The following ZNF486 variants were observed in gnomAD, a reference collection of about 807,000 sequenced individuals.
The protein encoded by ZNF486 is zinc finger protein 486, also known as KRAB box only protein 2.
Under a neutral mutation model 12.8 loss-of-function variants are expected in ZNF486, and 12 were observed. That is an observed-to-expected ratio of 0.94 (90% confidence interval 0.60 to 1.52). The LOEUF (loss-of-function observed/expected upper bound fraction) is 1.52. Ranked by LOEUF, ZNF486 falls within the 40% of genes most tolerant of loss-of-function variation. The pLI, the probability that ZNF486 is intolerant of heterozygous loss-of-function variation, is 0.00. For missense variants in ZNF486, 738 were observed against 545.0 expected (o/e 1.35, Z -3.53); for synonymous variants, 231 against 184.9 (o/e 1.25, Z -2.02).
intron 1 of ZNF486, among the ~76,000 whole-genome samples, chr19:20,169,811 A>T (rs973625217): frequency 6.6e-6 from 1 of 151,944 alleles, no homozygotes; most frequent in Admixed American, 6.6e-5. Context: ...GAGGGTGAAA[A>T]AGTCAGATTT....
intron 3 of ZNF486, among the ~76,000 whole-genome samples, chr19:20,192,303 A>G (rs368423697): frequency 1.3e-5 from 2 of 152,096 alleles, no homozygotes; most frequent in African/African-American, 4.8e-5. Flanking sequence ...CTTCATATGT[A>G]TATATTTATT....
intron 3 of ZNF486, among the ~76,000 whole-genome samples, chr19:20,196,328 T>TA (rs1385541416): frequency 2.0e-5 from 3 of 152,052 alleles, no homozygotes; most frequent in Non-Finnish European, 2.9e-5. Context: ...CAATTTACTT[T>TA]AAAAAAAAAT....
At chr19:20,189,832 A>G (rs2089885527) in intron 3 of ZNF486, among the ~76,000 whole-genome samples, 2 of 150,824 alleles carry the variant, frequency 1.3e-5, no homozygotes, top group Non-Finnish European at 3.0e-5. Flanking sequence ...TAGTGTAGTT[A>G]AACTTTTCTT....
intron 3 of ZNF486, among the ~76,000 whole-genome samples, chr19:20,193,394 G>T (rs1236656342): frequency 1.3e-5 from 2 of 151,746 alleles, no homozygotes; most frequent in Admixed American, 1.3e-4. Flanking sequence ...AGGCATGGTG[G>T]CTCATGCCTG....
intron 3 of ZNF486, among the ~76,000 whole-genome samples, chr19:20,193,749 T>C (rs1432630629): frequency 6.6e-6 from 1 of 152,118 alleles, no homozygotes; most frequent in African/African-American, 2.4e-5. Context: ...CTTACTGTTA[T>C]TTTTATTAAT....
At position 20,197,861 on chromosome 19, in the gene ZNF486, G is replaced by A. The variant is rs782327079; in HGVS notation, c.1151G>A (p.Gly384Asp). The part of the protein sequence containing the change: ...GEKPYKCEEC[G>D]KAFTWSAGLH... ...AAACCATACAAATGTGAAGAATGTG[G>A]CAAAGCCTTTACATGGTCTGCAGGC... is the stretch of plus-strand genomic sequence containing the variant. Residue 384 changes from glycine to aspartate, a missense_variant, in exon 4 of 4, where the codon GGC becomes GAC. Gly to Asp is a moderately conservative substitution (Grantham distance 94). Coordinates refer to ENST00000335117, the MANE Select transcript of ZNF486 (RefSeq NM_052852.4). 6.2e-7 allele frequency: 1 copy of A among 1,613,264 alleles called. No homozygotes were observed.
intron 3 of ZNF486, among the ~76,000 whole-genome samples, chr19:20,194,263 T>C (rs1338371582): frequency 6.6e-6 from 1 of 152,254 alleles, no homozygotes; most frequent in Non-Finnish European, 1.5e-5. Flanking sequence ...ATGTGTATGG[T>C]GTATGCAGTG....
intron 3 of ZNF486, among the ~76,000 whole-genome samples, chr19:20,193,306 T>G (rs1291381830): frequency 6.6e-6 from 1 of 151,892 alleles, no homozygotes; most frequent in Non-Finnish European, 1.5e-5. Context: ...ATCTTTTTTT[T>G]TTTTTTGAAA....
chr19:20,171,641 A>G (rs1322277807), intron 1 of ZNF486, among the ~76,000 whole-genome samples: 2 of 152,224 alleles, frequency 1.3e-5, no homozygotes, highest in African/African-American at 4.8e-5. Context: ...GTACAGCCCC[A>G]CCTGGGCCAC....
chr19:20,183,283 G>A (rs2089806169), intron 1 of ZNF486, among the ~76,000 whole-genome samples: 1 of 152,196 alleles, frequency 6.6e-6, no homozygotes, highest in Non-Finnish European at 1.5e-5. Flanking sequence ...TGAAGAACAT[G>A]TAATGTTGAG....
intron 1 of ZNF486, 122 bp downstream of exon 1, chr19:20,167,482 C>A: frequency 8.4e-7 from 1 of 1,188,522 alleles, no homozygotes; most frequent in Non-Finnish European, 1.2e-6. Flanking sequence ...TCTCCTTACC[C>A]AGCTCGGCCT....
At chr19:20,190,228 A>C (rs547416880) in intron 3 of ZNF486, among the ~76,000 whole-genome samples, 71 of 152,294 alleles carry the variant, frequency 4.7e-4, no homozygotes, top group Middle Eastern at 3.4e-3. Flanking sequence ...GACATCTGTG[A>C]AGAATAAAAT....
intron 3 of ZNF486, among the ~76,000 whole-genome samples, chr19:20,191,465 A>G: frequency 8.3e-6 from 1 of 120,526 alleles, no homozygotes; most frequent in South Asian, 2.6e-4. Flanking sequence ...ATTCCTTCAA[A>G]AAAAAAAAAA....
chr19:20,184,201 T>G (rs573773694), intron 1 of ZNF486, among the ~76,000 whole-genome samples, 155 bp from the exon 2 acceptor site: 1 of 152,290 alleles, frequency 6.6e-6, no homozygotes, highest in East Asian at 1.9e-4. Context: ...AGAGAATACA[T>G]TAGAAAATAT....
At position 20,180,266 on chromosome 19, in the gene ZNF486, G is replaced by C. The variant is rs115991888; in HGVS notation, c.31-4090G>C. On this transcript the variant is annotated intron_variant, in intron 1 of 3. Transcript: ENST00000335117. The stretch of plus-strand genomic sequence containing the variant: ...CAAGAGGTGCCTTTTTTGGTACCCA[G>C]ATCAGAGTTTCTCCAGTTTCCTGGT... 1.1e-3 allele frequency among the ~76,000 whole-genome samples: 172 copies of C among 152,264 alleles called. 1 individual carries two copies. Among genetic ancestry groups the C allele is most frequent in the African/African-American group, 3.9e-3 (162 of 41,550 alleles).
chr19:20,168,429 C>T (rs892935236), intron 1 of ZNF486, among the ~76,000 whole-genome samples: 4 of 152,222 alleles, frequency 2.6e-5, no homozygotes, highest in African/African-American at 9.6e-5. Context: ...CCAAGGCAGG[C>T]GGATCACCTG....
chr19:20,177,040 G>C (rs11882030), intron 1 of ZNF486: 11,751 of 152,264 alleles, frequency 0.077, 694 homozygotes, highest in African/African-American at 0.17. Flanking sequence ...CTACCCAGGA[G>C]GCCTGCAGGC....
In ZNF486 at chr19:20,197,773, T is replaced by C. The variant is rs781792984; in HGVS notation, c.1063T>C (p.Cys355Arg). 12 of 1,613,762 alleles carry C rather than the reference T, an allele frequency of 7.4e-6. No homozygotes were observed. Among genetic ancestry groups the C allele is most frequent in the Non-Finnish European group, 1.0e-5 (12 of 1,179,954 alleles). ...TGEKPYKCEECGKAFTRSSHL... is the reference protein window; with the variant it reads ...TGEKPYKCEERGKAFTRSSHL... Reference sequence around the variant, plus strand: ...AGAGAAACCCTACAAATGTGAAGAATGTGGCAAAGCCTTCACCCGCTCCTC... The same window carrying C: ...AGAGAAACCCTACAAATGTGAAGAACGTGGCAAAGCCTTCACCCGCTCCTC... The change falls in exon 4 of 4, where the codon TGT becomes CGT. Residue 355 changes from cysteine (C) to arginine (R), a missense_variant. Coordinates refer to ENST00000335117, the MANE Select transcript of ZNF486 (RefSeq NM_052852.4).
At chr19:20,177,831 CT>C (rs1437940964) in intron 1 of ZNF486, among the ~76,000 whole-genome samples, 6 of 152,068 alleles carry the variant, frequency 3.9e-5, no homozygotes, top group African/African-American at 1.4e-4. Context: ...CCGCCTCGGC[CT>C]CCCAAAGTGC....
Sources: allele counts gnomAD v4.1 joint callset (sites outside exome capture counted in the v4.1 genomes callset), GRCh38; gene constraint gnomAD v4.1.1; transcripts MANE v1.5; gene names NCBI Gene and HGNC (gene_info 2026-07-23, HGNC 2026-07-21).